HGF: variants seen among roughly 807,000 people sequenced by gnomAD.
HGF encodes the protein hepatocyte growth factor.
Under a neutral mutation model 111.6 loss-of-function variants are expected in HGF, and 39 were observed. The observed-to-expected ratio is 0.35, with a 90% CI of 0.27 to 0.46. HGF has a LOEUF of 0.46. Ranked by LOEUF, HGF falls within the 20% of genes least tolerant of loss-of-function variation. HGF has a pLI of 1.00. For synonymous variants in HGF, 285 were observed against 294.8 expected (o/e 0.97, Z 0.34); for missense variants, 735 against 910.5 (o/e 0.81, Z 2.48).
intron 3 of HGF, 73 bp from the exon 4 acceptor site, chr7:81,757,376 C>A: frequency 1.3e-6 from 1 of 790,796 alleles, no homozygotes; most frequent in South Asian, 1.4e-5. Context: ...AAATTCCGTT[C>A]AAACCTGTAA....
At position 81,758,270 on chromosome 7, in the gene HGF, A is replaced by T. The variant is rs140123081; in HGVS notation, c.367+422T>A. Among the ~76,000 whole-genome samples the T allele has an allele frequency of 5.5e-3, 841 of 152,098 alleles. 5 individuals carry two copies. Among genetic ancestry groups the T allele is most frequent in the Non-Finnish European group, 8.1e-3 (548 of 67,904 alleles). On this transcript the variant is annotated intron_variant, in intron 3 of 17. Transcript: ENST00000222390. The stretch of plus-strand genomic sequence containing the variant: ...TCCAAAATCTCCATATTTTGTTATC[A>T]TCAGTAATCATCACTATAATTTAGT...
chr7:81,734,577 T>G (rs1787764347), intron 7 of HGF, among the ~76,000 whole-genome samples: 1 of 152,106 alleles, frequency 6.6e-6, no homozygotes, highest in Admixed American at 6.6e-5. Flanking sequence ...TGTCTAATTC[T>G]TGGTACAACC....
chr7:81,753,865 T>C (rs1387308590), intron 4 of HGF, among the ~76,000 whole-genome samples: 1 of 152,010 alleles, frequency 6.6e-6, no homozygotes, highest in African/African-American at 2.4e-5. Flanking sequence ...AAATTCAGCA[T>C]AATTTCACAA....
rs5745639 is a variant in HGF, at chr7:81,756,901, C to CAGAAAG, written c.482+287_482+288insCTTTCT. 20,667 of 470,148 alleles carry CAGAAAG rather than the reference C, an allele frequency of 0.044. 2,164 individuals carry two copies. Among genetic ancestry groups the CAGAAAG allele is most frequent in the African/African-American group, 0.29 (14,393 of 50,472 alleles). 29.1% of individuals were successfully genotyped at this position (470,148 alleles called of 1,614,324 possible). A position where few individuals can be genotyped will look rare whatever the true frequency, so the allele number is the denominator to read the frequency against. On this transcript the variant is annotated intron_variant, in intron 4 of 17. Coordinates refer to ENST00000222390, the MANE Select transcript of HGF (RefSeq NM_000601.6). ...GCACAGTGCCGTACTTTCTCAAAGA[C>CAGAAAG]AGGAAGAAGAATCCTTTTAAACGAA... is the stretch of plus-strand genomic sequence containing the variant.
At chr7:81,703,287 T>C (rs773457363) in intron 17 of HGF, among the ~76,000 whole-genome samples, 2 of 150,860 alleles carry the variant, frequency 1.3e-5, no homozygotes, top group Admixed American at 6.6e-5. Flanking sequence ...TCTTAACAAG[T>C]TAAATAAAAA....
chr7:81,742,004 A>T (rs1334918898), intron 7 of HGF, among the ~76,000 whole-genome samples: 1 of 151,920 alleles, frequency 6.6e-6, no homozygotes, highest in Non-Finnish European at 1.5e-5. Context: ...AAAAATCAGA[A>T]GGGAAACAGT....
chr7:81,727,234 A>G (rs891802554), intron 8 of HGF, among the ~76,000 whole-genome samples: 13 of 150,180 alleles, frequency 8.7e-5, no homozygotes, highest in East Asian at 2.0e-4. Context: ...TAGTAGAGAC[A>G]GGGTTTCACC....
intron 7 of HGF, chr7:81,742,945 T>C (rs753332987): frequency 1.2e-6 from 2 of 1,613,354 alleles, no homozygotes; most frequent in Non-Finnish European, 1.7e-6. Context: ...GCCCATGTTA[T>C]GTCTCTGGGG....
chr7:81,744,029 T>C (rs1262905126), intron 6 of HGF, among the ~76,000 whole-genome samples: 1 of 152,156 alleles, frequency 6.6e-6, no homozygotes. Context: ...ATTGCTACCA[T>C]ATCCCTTCTG....
chr7:81,744,322 C>T (rs1311309992), intron 6 of HGF, among the ~76,000 whole-genome samples: 8 of 139,978 alleles, frequency 5.7e-5, no homozygotes, highest in African/African-American at 1.6e-4. Context: ...TTTTTTTTGG[C>T]GGAGATGGGT....
chr7:81,750,918 T>C (rs1431965056), intron 5 of HGF: 1 of 886,708 alleles, frequency 1.1e-6, no homozygotes, highest in East Asian at 1.2e-4. Flanking sequence ...GAAAAGTTTA[T>C]TATTTTTAAA....
rs181136669 is a variant in HGF, at chr7:81,763,317, G to A, written c.89-445C>T. Among the ~76,000 whole-genome samples, 18 of 152,194 alleles carry A rather than the reference G, an allele frequency of 1.2e-4. No homozygotes were observed. The East Asian group carries it at 1.4e-3, about 11-fold the overall frequency. ...GCCAACACAAAGACAGGCGAGAAAC[G>A]TCTCACTAAAAACTGTACAGTGGAC... On this transcript the variant is annotated intron_variant, in intron 1 of 17. Coordinates refer to ENST00000222390, the MANE Select transcript of HGF (RefSeq NM_000601.6).
chr7:81,717,153 C>A (rs1284406978), intron 11 of HGF, 79 bp downstream of exon 11: 3 of 1,424,212 alleles, frequency 2.1e-6, no homozygotes, highest in Non-Finnish European at 2.0e-6. Flanking sequence ...GCCAGACCAC[C>A]TATATTATTT....
At chr7:81,723,835 C>T (rs991384198) in intron 9 of HGF, among the ~76,000 whole-genome samples, 1 of 150,518 alleles carries the variant, frequency 6.6e-6, no homozygotes, top group Admixed American at 6.6e-5. Flanking sequence ...GATATATATA[C>T]ACATATATAT....
At chr7:81,736,191 C>T (rs1787819229) in intron 7 of HGF, among the ~76,000 whole-genome samples, 1 of 152,044 alleles carries the variant, frequency 6.6e-6, no homozygotes, top group African/African-American at 2.4e-5. Context: ...TTTCAGTTAC[C>T]TGTGGTCAAC....
In HGF at chr7:81,700,110, C is replaced by A. The variant is rs1172827932; in HGVS notation, c.*2471G>T. 1 of 151,588 alleles carries A rather than the reference C, an allele frequency of 6.6e-6. No homozygotes were observed. The highest frequency in any genetic ancestry group is 1.5e-5 in the Non-Finnish European group (1 of 67,704). 9.4% of individuals were successfully genotyped at this position (151,588 alleles called of 1,614,324 possible). ...AGCCAAACCAAAAATTGCATTGAAA[C>A]CTTCTGATTTAAAAGATCCTTTTGT... On this transcript the variant is annotated 3_prime_UTR_variant, in exon 18 of 18. Coordinates refer to ENST00000222390, the MANE Select transcript of HGF (RefSeq NM_000601.6).
chr7:81,750,669 G>T (rs2116098925), intron 5 of HGF, among the ~76,000 whole-genome samples: 1 of 152,178 alleles, frequency 6.6e-6, no homozygotes. Flanking sequence ...ATTCTCACAA[G>T]AACCAGGCAG....
At chr7:81,756,934 T>G (rs1788802042) in intron 4 of HGF, 3 of 547,918 alleles carry the variant, frequency 5.5e-6, no homozygotes, top group Admixed American at 6.4e-5. Flanking sequence ...GAAGTTTACG[T>G]TATTATTTCA....
At chr7:81,760,245 A>G (rs1584009347) in intron 2 of HGF, among the ~76,000 whole-genome samples, 1 of 152,140 alleles carries the variant, frequency 6.6e-6, no homozygotes, top group South Asian at 2.1e-4. Context: ...CAGGAAGGCA[A>G]TTCTAGTACC....
Sources: gnomAD v4.1 joint callset for allele counts (sites outside exome capture counted in the v4.1 genomes callset) on GRCh38, gnomAD v4.1.1 for gene constraint, MANE v1.5 for transcripts, NCBI Gene and HGNC (gene_info 2026-07-23, HGNC 2026-07-21) for gene names.